DKKL1: variants seen among roughly 807,000 people sequenced by gnomAD.
DKKL1 encodes dickkopf-like protein 1.
Under a neutral mutation model 16.5 loss-of-function variants are expected in DKKL1, and 11 were observed. The observed-to-expected ratio is 0.67, with a 90% CI of 0.42 to 1.10. The LOEUF (loss-of-function observed/expected upper bound fraction) is 1.10, where lower values mean the gene tolerates loss of function less well. Among genes scored for constraint, DKKL1 ranks in the 50% least tolerant of loss-of-function variants. The pLI is 0.00. For missense variants in DKKL1, 320 were observed against 308.1 expected (o/e 1.04, Z -0.29); for synonymous variants, 119 against 133.2 (o/e 0.89, Z 0.73).
At chr19:49,373,661 G>T (rs116332165) in intron 4 of DKKL1, among the ~76,000 whole-genome samples, 1,883 of 152,160 alleles carry the variant, frequency 0.012, 44 homozygotes, top group African/African-American at 0.043. Flanking sequence ...GTAGAGACAG[G>T]ATTTTGTCAT....
At chr19:49,361,350 GC>G (rs1233714465), upstream of DKKL1, 1 of 151,378 alleles carries the variant, frequency 6.6e-6, no homozygotes, top group African/African-American at 2.5e-5. Flanking sequence ...GGGGACAGAG[GC>G]TCAGAGAGAG....
rs564741251 is a variant in DKKL1, at chr19:49,363,904, T to C, written c.-95T>C. 1 of 1,534,470 alleles carries C rather than the reference T, an allele frequency of 6.5e-7. No homozygotes were observed. The highest frequency in any genetic ancestry group is 1.9e-5 in the Admixed American group (1 of 52,674). On this transcript the variant is annotated 5_prime_UTR_variant, in exon 1 of 5. Transcript: ENST00000221498. ...ACCTGGGCTCGAGACCATAACTGTTTGGCTTTAACAGTACGTGGGCGGCCG... is the reference window on the plus strand; with the variant it reads ...ACCTGGGCTCGAGACCATAACTGTTCGGCTTTAACAGTACGTGGGCGGCCG...
chr19:49,371,967 G>A (rs1042329068), intron 4 of DKKL1, among the ~76,000 whole-genome samples: 6 of 152,102 alleles, frequency 3.9e-5, no homozygotes, highest in Admixed American at 2.0e-4. Context: ...TTCTGTGGCC[G>A]AATAGTATTC....
At chr19:49,365,738 G>A in intron 3 of DKKL1, 55 bp from the exon 4 acceptor site, 2 of 1,602,684 alleles carry the variant, frequency 1.2e-6, no homozygotes, top group Non-Finnish European at 1.7e-6. Context: ...TGGGAGGGAA[G>A]GAGGGCGGAG....
At chr19:49,371,316 A>G (rs1973474773) in intron 4 of DKKL1, among the ~76,000 whole-genome samples, 1 of 152,178 alleles carries the variant, frequency 6.6e-6, no homozygotes, top group Non-Finnish European at 1.5e-5. Flanking sequence ...AACCATCTGG[A>G]CCGTGAGAGT....
chr19:49,365,859 G>A lies in DKKL1; in HGVS notation c.391G>A (p.Glu131Lys). 8 of 1,614,162 alleles carry A rather than the reference G, an allele frequency of 5.0e-6. No individual in the cohort carries two copies. Among genetic ancestry groups the A allele is most frequent in the South Asian group, 1.1e-5 (1 of 91,076 alleles). The stretch of plus-strand genomic sequence containing the variant: ...TGTGGTGGCATCCATTCAACCAGCG[G>A]AGGGGAGCTTCGAGGGTGATTTGAA... ...ENVVASIQPA[E>K]GSFEGDLKVP... Residue 131 changes from glutamate to lysine, a missense_variant, in exon 4 of 5, where the codon GAG becomes AAG. Physicochemically the swap from Glu to Lys is moderately conservative, Grantham distance 56 (BLOSUM62 1). Coordinates refer to ENST00000221498, the MANE Select transcript of DKKL1 (RefSeq NM_014419.4).
intron 4 of DKKL1, among the ~76,000 whole-genome samples, chr19:49,373,991 T>A (rs1420619153): frequency 6.6e-6 from 1 of 151,956 alleles, no homozygotes; most frequent in African/African-American, 2.4e-5. Flanking sequence ...CTTTATTTTT[T>A]TTTTTTCCCT....
upstream of DKKL1, chr19:49,363,827 A>G (rs556985151): frequency 9.6e-6 from 9 of 938,174 alleles, no homozygotes; most frequent in East Asian, 2.4e-4. Flanking sequence ...GCGTGGTCAG[A>G]CAATAGGGGC....
Position 49,364,727 on chromosome 19 carries a change from C to T in DKKL1, c.156C>T (p.Leu52=), listed in dbSNP as rs141910577. 96 of 1,612,862 alleles carry T rather than the reference C, an allele frequency of 6.0e-5. No homozygotes were observed. The highest frequency in any genetic ancestry group is 1.3e-5 in the Non-Finnish European group (15 of 1,179,622). ...SLGLTGLQSL[L]QGFSRLFLKG... is the part of the protein sequence containing the mutation. ...GTCTCACAGGCCTCCAGAGCCTACT[C>T]CAAGGCTTCAGCCGACTTTTCCTGA... Residue 52 remains leucine, a synonymous_variant, in exon 2 of 5, where the codon CTC becomes CTT. Coordinates refer to ENST00000221498, the MANE Select transcript of DKKL1 (RefSeq NM_014419.4).
chr19:49,363,787 G>C, upstream of DKKL1: 1 of 655,454 alleles, frequency 1.5e-6, no homozygotes, highest in Non-Finnish European at 2.7e-6. Context: ...GTAGAGGCCC[G>C]GGCTCCTGGG....
At position 49,372,618 on chromosome 19, in the gene DKKL1, C is replaced by T. The variant is rs190277784; in HGVS notation, c.418-2099C>T. 2.4e-3 allele frequency among the ~76,000 whole-genome samples: 367 copies of T among 150,744 alleles called. 1 individual carries two copies. Among genetic ancestry groups the T allele is most frequent in the African/African-American group, 8.5e-3 (349 of 41,038 alleles). ...CTGAGGCAGGAGAATGGCGTGAACCCGGGAGGTGGAGCTTGCAGTGAGCCG... is the reference window on the plus strand; with the variant it reads ...CTGAGGCAGGAGAATGGCGTGAACCTGGGAGGTGGAGCTTGCAGTGAGCCG... On this transcript the variant is annotated intron_variant, in intron 4 of 4. Transcript: ENST00000221498.
At chr19:49,366,460 GTCAA>G (rs1247576385) in intron 4 of DKKL1, among the ~76,000 whole-genome samples, 2 of 151,138 alleles carry the variant, frequency 1.3e-5, no homozygotes, top group East Asian at 3.9e-4. Flanking sequence ...CTACATAATA[GTCAA>G]TCAAAGTGTT....
At chr19:49,365,098 C>T (rs960832533) in intron 2 of DKKL1, among the ~76,000 whole-genome samples, 1 of 152,132 alleles carries the variant, frequency 6.6e-6, no homozygotes, top group South Asian at 2.1e-4. Context: ...CCCAGGAGGT[C>T]GAGGCTGCAG....
intron 4 of DKKL1, among the ~76,000 whole-genome samples, chr19:49,372,878 G>C (rs748955048): frequency 6.6e-6 from 1 of 151,958 alleles, no homozygotes; most frequent in Admixed American, 6.6e-5. Flanking sequence ...GCACATGTCT[G>C]TAATCCCAGC....
Position 49,363,941 on chromosome 19 carries a change from T to G in DKKL1, c.-58T>G. On this transcript the variant is annotated 5_prime_UTR_variant, in exon 1 of 5. Transcript: ENST00000221498. ...TACGTGGGCGGCCGGAATCCGGGAG[T>G]CCGGTGACCCGGGCTGTGGTCTAGC... is the stretch of plus-strand genomic sequence containing the variant. 1 of 1,606,232 alleles carries G rather than the reference T, an allele frequency of 6.2e-7. No individual in the cohort carries two copies.
intron 4 of DKKL1, among the ~76,000 whole-genome samples, chr19:49,374,150 A>G (rs746894773): frequency 1.3e-5 from 2 of 151,824 alleles, no homozygotes; most frequent in Non-Finnish European, 2.9e-5. Context: ...ATGCCCGGCT[A>G]AATTTTTTTG....
At chr19:49,362,939 T>TC (rs1372626108), upstream of DKKL1, 1 of 149,304 alleles carries the variant, frequency 6.7e-6, no homozygotes, top group Non-Finnish European at 1.5e-5. Context: ...TTTTTTGTTT[T>TC]TTTTTTTTTT....
intron 4 of DKKL1, chr19:49,368,624 C>T (rs1347774606): frequency 1.3e-5 from 2 of 152,290 alleles, no homozygotes; most frequent in Middle Eastern, 3.4e-3. Context: ...TCTTGGCTCA[C>T]AGCAACCTCC....
chr19:49,370,060 T>C (rs568806512), intron 4 of DKKL1: 1 of 152,376 alleles, frequency 6.6e-6, no homozygotes, highest in East Asian at 1.9e-4. Context: ...GAACAGGTTC[T>C]TGCTGTTCAC....
Sources: gnomAD v4.1 joint callset for allele counts (sites outside exome capture counted in the v4.1 genomes callset) on GRCh38, gnomAD v4.1.1 for gene constraint, MANE v1.5 for transcripts, NCBI Gene and HGNC (gene_info 2026-07-23, HGNC 2026-07-21) for gene names.